The following PPWD1 variants were observed in gnomAD, a reference collection of about 807,000 sequenced individuals.
PPWD1 encodes peptidylprolyl isomerase domain and WD repeat containing 1, also known as peptidylprolyl isomerase domain and WD repeat-containing protein 1.
PPWD1 carries 43 observed loss-of-function variants against 68.8 expected under a neutral mutation model. The observed-to-expected ratio is 0.62, with a 90% confidence interval of 0.49 to 0.81. The LOEUF (loss-of-function observed/expected upper bound fraction) is 0.81. PPWD1 is among the 30% of genes least tolerant of loss of function. The pLI, the probability that PPWD1 is intolerant of heterozygous loss-of-function variation, is 0.00. For synonymous variants in PPWD1, 232 were observed against 258.7 expected (o/e 0.90, Z 0.99); for missense variants, 672 against 804.8 (o/e 0.83, Z 2.00).
intron 4 of PPWD1, 101 bp downstream of exon 4, chr5:65,570,099 T>G: frequency 2.4e-6 from 3 of 1,233,558 alleles, no homozygotes; most frequent in Non-Finnish European, 3.3e-6. Context: ...TATTACCATA[T>G]CTTTAAATAA....
chr5:65,579,601 T>G lies in PPWD1; in HGVS notation c.1338T>G (p.Asn446Lys), dbSNP rs1313690797. The G allele has an allele frequency of 6.4e-7, 1 of 1,567,320 alleles. No individual in the cohort carries two copies. The highest frequency in any genetic ancestry group is 2.3e-5 in the East Asian group (1 of 42,794). ...PTIVCTSFKK[N>K]RFYMFTKREP... ...TAGTCTGTACATCATTCAAAAAGAA[T>G]AGATTTTATATGGTATGTGTAAGTA... The change falls in exon 7 of 11, where the codon AAT (asparagine) becomes AAG (lysine). Residue 446 changes from asparagine (N) to lysine (K), a missense_variant. This residue lies in a region of PPWD1 where 484 missense variants were observed against 646.2 expected (regional missense o/e 0.75). Coordinates refer to ENST00000261308, the MANE Select transcript of PPWD1 (RefSeq NM_015342.4).
intron 8 of PPWD1, 172 bp downstream of exon 8, chr5:65,583,391 T>C: frequency 1.4e-6 from 1 of 709,920 alleles, no homozygotes; most frequent in Non-Finnish European, 2.1e-6. Context: ...CGGTAGAAAA[T>C]GGGAAATTTT....
chr5:65,585,257 A>T (rs1354098263), intron 9 of PPWD1, among the ~76,000 whole-genome samples, 162 bp downstream of exon 9: 1 of 152,184 alleles, frequency 6.6e-6, no homozygotes, highest in African/African-American at 2.4e-5. Flanking sequence ...GGTCATAAAT[A>T]TCAACATCTA....
At chr5:65,584,017 A>G (rs1753712687) in intron 8 of PPWD1, among the ~76,000 whole-genome samples, 1 of 152,206 alleles carries the variant, frequency 6.6e-6, no homozygotes, top group Non-Finnish European at 1.5e-5. Context: ...AGTTTTCTGG[A>G]CAGTTTAAAA....
intron 5 of PPWD1, among the ~76,000 whole-genome samples, chr5:65,573,607 C>T: frequency 7.5e-6 from 1 of 133,942 alleles, no homozygotes; most frequent in Non-Finnish European, 1.5e-5. Context: ...CTCCTGGCCT[C>T]AAGTGATCTG....
intron 1 of PPWD1, among the ~76,000 whole-genome samples, chr5:65,566,820 CT>C (rs762925536): frequency 0.012 from 1,135 of 94,610 alleles, 7 homozygotes; most frequent in African/African-American, 0.032. Context: ...CCCTTTCTTT[CT>C]TTTTTTTTTT....
At position 65,574,759 on chromosome 5, in the gene PPWD1, G is replaced by A. The variant is rs546028090; in HGVS notation, c.970-2120G>A. Among the ~76,000 whole-genome samples the A allele has an allele frequency of 7.2e-5, 11 of 152,292 alleles. No individual in the cohort carries two copies. In the East Asian group the frequency reaches 9.6e-4, roughly 13 times the overall value. On this transcript the variant is annotated intron_variant, in intron 5 of 10. Coordinates refer to ENST00000261308, the MANE Select transcript of PPWD1 (RefSeq NM_015342.4). Reference sequence around the variant, plus strand: ...ATTACAGGCGTGAGCCACCGCGCCCGGCCGGCACAAATCTCTTAACACACA... The same window carrying A: ...ATTACAGGCGTGAGCCACCGCGCCCAGCCGGCACAAATCTCTTAACACACA...
At chr5:65,573,003 T>C (rs1311980137) in intron 5 of PPWD1, among the ~76,000 whole-genome samples, 1 of 152,202 alleles carries the variant, frequency 6.6e-6, no homozygotes, top group Non-Finnish European at 1.5e-5. Flanking sequence ...TTTCAGTTAA[T>C]TCCTTCTGTT....
rs73762029 is a variant in PPWD1, at chr5:65,564,162, A to G, written c.196+656A>G. Reference sequence around the variant, plus strand: ...AAATAAAAGGGGTGGGAAAAGGGGTAGATTAAGTTTTCTTGTCTTTGTTGT... The same window carrying G: ...AAATAAAAGGGGTGGGAAAAGGGGTGGATTAAGTTTTCTTGTCTTTGTTGT... On this transcript the variant is annotated intron_variant, in intron 1 of 10. Transcript: ENST00000261308. Among the ~76,000 whole-genome samples the G allele has an allele frequency of 6.0e-3, 916 of 152,302 alleles. 7 individuals carry two copies. Among genetic ancestry groups the G allele is most frequent in the African/African-American group, 0.02 (835 of 41,568 alleles).
chr5:65,579,701 T>C, intron 7 of PPWD1, 88 bp downstream of exon 7: 1 of 957,780 alleles, frequency 1.0e-6, no homozygotes, highest in Non-Finnish European at 1.4e-6. Context: ...CTGAAGAGAA[T>C]GTTGGCACTA....
rs768514377 is a variant in PPWD1, at chr5:65,569,995, T to G, written c.518T>G (p.Leu173Arg). 3 of 1,609,738 alleles carry G rather than the reference T, an allele frequency of 1.9e-6. No homozygotes were observed. In the Admixed American group the frequency reaches 5.0e-5, roughly 27 times the overall value. The change falls in exon 4 of 11, where the codon CTT becomes CGT. Residue 173 changes from leucine (L) to arginine (R), a missense_variant. By Grantham distance (102) the Leu-to-Arg change is moderately radical. Around this residue, in one of 2 missense-constraint regions of PPWD1, gnomAD observed 484 missense variants for 646.2 expected, o/e 0.75. Transcript: ENST00000261308. Reference protein sequence around the residue: ...VNFDMINMLKLGYFPGQCEWI... With the variant: ...VNFDMINMLKRGYFPGQCEWI... ...TTTGACATGATCAACATGCTGAAACTTGGGTGAGTCTTTTTAAAAGTATAT... is the reference window on the plus strand; with the variant it reads ...TTTGACATGATCAACATGCTGAAACGTGGGTGAGTCTTTTTAAAAGTATAT...
rs1267743004 is a variant in PPWD1 at position 65,572,160 on chromosome 5, T to G, written c.843T>G (p.Ala281=). Residue 281 remains alanine, a synonymous_variant, in exon 5 of 11, where the codon GCT becomes GCG. Coordinates refer to ENST00000261308, the MANE Select transcript of PPWD1 (RefSeq NM_015342.4). ...TATATGAATTTGCCAAGTGTAAGGC[T>G]TATCCAACCAGCGTATGTTTTTCAC... is the stretch of plus-strand genomic sequence containing the variant. ...TDLYEFAKCK[A]YPTSVCFSPD... 1 of 1,613,924 alleles carries G rather than the reference T, an allele frequency of 6.2e-7. No homozygotes were observed. The highest frequency in any genetic ancestry group is 2.2e-5 in the East Asian group (1 of 44,874).
chr5:65,572,666 A>T (rs1753068298), intron 5 of PPWD1, among the ~76,000 whole-genome samples: 1 of 151,068 alleles, frequency 6.6e-6, no homozygotes, highest in Non-Finnish European at 1.5e-5. Flanking sequence ...TTACAAGCAA[A>T]CCTGGTGCTA....
At chr5:65,573,529 TTTTTTTTTTTTTTTTTTTTTTTTTA>T (rs1378733086) in intron 5 of PPWD1, among the ~76,000 whole-genome samples, 2 of 45,720 alleles carry the variant, frequency 4.4e-5, no homozygotes, top group South Asian at 9.4e-4. Context: ...TTTTTTTTTT[TTTTTTTTTTTTTTTTTTTTTTTTTA>T]AGTACAGACG....
At chr5:65,586,805 A>G (rs936891733) in intron 10 of PPWD1, among the ~76,000 whole-genome samples, 1 of 152,258 alleles carries the variant, frequency 6.6e-6, no homozygotes, top group East Asian at 1.9e-4. Flanking sequence ...ACAGTGAGAC[A>G]TGATTAACTT....
chr5:65,564,188 TTTG>T, intron 1 of PPWD1, among the ~76,000 whole-genome samples: 1 of 152,332 alleles, frequency 6.6e-6, no homozygotes, highest in Non-Finnish European at 1.5e-5. Context: ...TCTTTGTTGT[TTTG>T]TTATCTTGTT....
At chr5:65,584,542 A>C (rs888785031) in intron 8 of PPWD1, among the ~76,000 whole-genome samples, 3 of 152,120 alleles carry the variant, frequency 2.0e-5, no homozygotes, top group Non-Finnish European at 2.9e-5. Flanking sequence ...CAGACCTATA[A>C]TACTATATGG....
chr5:65,569,282 CAAA>C, intron 2 of PPWD1: 1 of 273,938 alleles, frequency 3.7e-6, no homozygotes, highest in Non-Finnish European at 7.1e-6. Flanking sequence ...CAGCTACTGA[CAAA>C]TAGTTTATTT....
chr5:65,587,087 CTT>C (rs1001450432), intron 10 of PPWD1, 164 bp from the exon 11 acceptor site: 26 of 430,140 alleles, frequency 6.0e-5, no homozygotes, highest in African/African-American at 5.6e-4. Flanking sequence ...CTGGAAATAA[CTT>C]TTAAAAGCTG....
Sources: allele counts gnomAD v4.1 joint callset (sites outside exome capture counted in the v4.1 genomes callset), GRCh38; gene constraint gnomAD v4.1.1; regional missense constraint gnomAD v4.1.1; transcripts MANE v1.5; gene names NCBI Gene and HGNC (gene_info 2026-07-23, HGNC 2026-07-21).